Variants in LYZL6 observed in about 807,000 individuals in gnomAD.
LYZL6 encodes the protein lysozyme-like protein 6.
Under a neutral mutation model 15.0 loss-of-function variants are expected in LYZL6, and 21 were observed. The observed-to-expected ratio is 1.40, with a 90% CI of 1.00 to 2.02. The LOEUF (loss-of-function observed/expected upper bound fraction) is 2.02, where lower values mean the gene tolerates loss of function less well. LYZL6 is among the 30% of genes most tolerant of loss of function. The pLI, the probability that LYZL6 is intolerant of heterozygous loss-of-function variation, is 0.00. For missense variants in LYZL6, 173 were observed against 180.5 expected, an observed-to-expected ratio of 0.96 and a Z score of 0.24; for synonymous variants, 72 against 67.8, an observed-to-expected ratio of 1.06 and a Z score of -0.31.
rs766673424 is a variant in LYZL6, at chr17:35,939,286, C to A, written c.71G>T (p.Arg24Leu). Residue 24 changes from arginine to leucine, a missense_variant, in exon 2 of 5, where the codon CGC (arginine) becomes CTC (leucine). By Grantham distance (102) the Arg-to-Leu change is moderately radical. Coordinates refer to ENST00000615905, the MANE Select transcript of LYZL6 (RefSeq NM_020426.4). ...CTGCAGCACCTGGGCCAAGTCACAG[C>A]GACTGATGAGGCTGGCCTGATTTAG... ...LALNQASLIS[R>L]CDLAQVLQLE... 6.2e-7 allele frequency: 1 copy of A among 1,614,122 alleles called. No individual in the cohort carries two copies. The highest frequency in any genetic ancestry group is 1.1e-5 in the South Asian group (1 of 91,078).
At chr17:35,936,942 T>A in intron 3 of LYZL6, 109 bp from the exon 4 acceptor site, 2 of 917,820 alleles carry the variant, frequency 2.2e-6, no homozygotes, top group East Asian at 2.4e-5. Flanking sequence ...GGCTTCCAGT[T>A]GAGGCAAAGG....
At chr17:35,939,126 G>T in intron 2 of LYZL6, 92 bp downstream of exon 2, 1 of 1,457,144 alleles carries the variant, frequency 6.9e-7, no homozygotes, top group Non-Finnish European at 9.3e-7. Context: ...TTTGAACTTG[G>T]CTTTGAAAGA....
chr17:35,939,279 G>A lies in LYZL6; in HGVS notation c.78C>T (p.Asp26=), dbSNP rs1568422556. 1.9e-6 allele frequency: 3 copies of A among 1,614,204 alleles called. No individual in the cohort carries two copies. Among genetic ancestry groups the A allele is most frequent in the Non-Finnish European group, 2.5e-6 (3 of 1,180,018 alleles). Residue 26 remains aspartate, a synonymous_variant, in exon 2 of 5, where the codon GAC becomes GAT. Coordinates refer to ENST00000615905, the MANE Select transcript of LYZL6 (RefSeq NM_020426.4). ...LNQASLISRC[D]LAQVLQLEDL... ...CCTCCAGCTGCAGCACCTGGGCCAAGTCACAGCGACTGATGAGGCTGGCCT... is the reference window on the plus strand; with the variant it reads ...CCTCCAGCTGCAGCACCTGGGCCAAATCACAGCGACTGATGAGGCTGGCCT...
At position 35,937,828 on chromosome 17, in the gene LYZL6, C is replaced by G. The variant is rs146693110; in HGVS notation, c.228G>C (p.Gln76His). ...ADGSFDYGLF[Q>H]INSHYWCNDY... Reference sequence around the variant, plus strand: ...CGTTGCACCAGTAGTGGCTGTTGATCTGGAAGAGGCCATAGTCAAAGCTTC... The same window carrying G: ...CGTTGCACCAGTAGTGGCTGTTGATGTGGAAGAGGCCATAGTCAAAGCTTC... The change falls in exon 3 of 5, where the codon CAG (glutamine) becomes CAC (histidine). Residue 76 changes from glutamine to histidine, a missense_variant. Coordinates refer to ENST00000615905, the MANE Select transcript of LYZL6 (RefSeq NM_020426.4). 402 of 1,613,998 alleles carry G rather than the reference C, an allele frequency of 2.5e-4. No homozygotes were observed. Among genetic ancestry groups the G allele is most frequent in the Non-Finnish European group, 5.0e-5 (59 of 1,180,032 alleles).
At position 35,937,920 on chromosome 17, in the gene LYZL6, A is replaced by G. The variant is rs1201129558; in HGVS notation, c.140-4T>C. On this transcript the variant is annotated splice_region_variant and splice_polypyrimidine_tract_variant and intron_variant, in intron 2 of 4. Transcript: ENST00000615905. ...TCCACAAAAGCCAGGCACAGCCCTT[A>G]GAGTAGGGAGAAGAAGGTCAGGATT... is the stretch of plus-strand genomic sequence containing the variant. 6.2e-7 allele frequency: 1 copy of G among 1,612,916 alleles called. No individual in the cohort carries two copies. Among genetic ancestry groups the G allele is most frequent in the Non-Finnish European group, 8.5e-7 (1 of 1,179,852 alleles).
intron 2 of LYZL6, 116 bp downstream of exon 2, chr17:35,939,102 G>T: frequency 7.8e-7 from 1 of 1,276,204 alleles, no homozygotes; most frequent in Non-Finnish European, 1.1e-6. Flanking sequence ...AGGCTTTTTT[G>T]AAGGGGGCTG....
At chr17:35,940,050 T>G (rs2089413253) in intron 1 of LYZL6, among the ~76,000 whole-genome samples, 2 of 152,184 alleles carry the variant, frequency 1.3e-5, no homozygotes, top group Admixed American at 1.3e-4. Flanking sequence ...GGTACAATTC[T>G]TGGTGGGCTG....
intron 1 of LYZL6, among the ~76,000 whole-genome samples, chr17:35,941,259 C>A (rs2089422667): frequency 6.6e-6 from 1 of 152,190 alleles, no homozygotes; most frequent in Admixed American, 6.5e-5. Context: ...GGATGTTGAT[C>A]ATCTTTTTAT....
intron 4 of LYZL6, 85 bp from the exon 5 acceptor site, chr17:35,934,950 T>C (rs1025563835): frequency 1.6e-6 from 2 of 1,281,726 alleles, no homozygotes; most frequent in Non-Finnish European, 2.3e-6. Flanking sequence ...GTCTCGCATA[T>C]GGAGCAACGC....
At chr17:35,940,074 C>A (rs570026159) in intron 1 of LYZL6, among the ~76,000 whole-genome samples, 7 of 152,192 alleles carry the variant, frequency 4.6e-5, no homozygotes, top group African/African-American at 1.4e-4. Flanking sequence ...GTAGACGTAA[C>A]CTTCACTTTC....
chr17:35,936,778 GGACACA>G lies in LYZL6; in HGVS notation c.348_353del (p.Val117_Ser118del). The G allele has an allele frequency of 6.2e-7, 1 of 1,613,738 alleles. No homozygotes were observed. The highest frequency in any genetic ancestry group is 8.5e-7 in the Non-Finnish European group (1 of 1,180,018). On this transcript the variant is annotated inframe_deletion, in exon 4 of 5. Coordinates refer to ENST00000615905, the MANE Select transcript of LYZL6 (RefSeq NM_020426.4). ...ACCAGTTGTTCATCCCCCGTGCTCC[GGACACA>G]ATCCTTTTTGCGCAGTGGATGCCTG... is the stretch of plus-strand genomic sequence containing the variant.
Position 35,934,881 on chromosome 17 carries a change from A to G in LYZL6, c.378-16T>C. 2 of 1,613,840 alleles carry G rather than the reference A, an allele frequency of 1.2e-6. No individual in the cohort carries two copies. Among genetic ancestry groups the G allele is most frequent in the Non-Finnish European group, 1.7e-6 (2 of 1,179,784 alleles). On this transcript the variant is annotated splice_polypyrimidine_tract_variant and intron_variant, in intron 4 of 4. Transcript: ENST00000615905. Reference sequence around the variant, plus strand: ...CCATTCTACCCTGCGGAGAAAAAAGACATGGTTCTTGCCTCACACTCAGTA... The same window carrying G: ...CCATTCTACCCTGCGGAGAAAAAAGGCATGGTTCTTGCCTCACACTCAGTA...
At chr17:35,935,540 C>T (rs2089364292) in intron 4 of LYZL6, among the ~76,000 whole-genome samples, 1 of 147,802 alleles carries the variant, frequency 6.8e-6, no homozygotes, top group African/African-American at 2.5e-5. Flanking sequence ...CTCAGCCTCC[C>T]ATGCAGCTTG....
chr17:35,934,829 G>A lies in LYZL6; in HGVS notation c.414C>T (p.Leu138=), dbSNP rs1442837590. 15 of 1,614,174 alleles carry A rather than the reference G, an allele frequency of 9.3e-6. No homozygotes were observed. Among genetic ancestry groups the A allele is most frequent in the Non-Finnish European group, 1.3e-5 (15 of 1,180,014 alleles). Residue 138 remains leucine, a synonymous_variant, in exon 5 of 5, where the codon CTC becomes CTT. Transcript: ENST00000615905. The part of the protein sequence containing the change: ...EWRLHCSGRP[L]FYWLTGCRLR ...GGCGGCATCCTGTCAGCCAGTAGAA[G>A]AGTGGCCGGCCTGAACAGTGCAACC...
chr17:35,939,320 A>G lies in LYZL6; in HGVS notation c.37T>C (p.Phe13Leu). 1 of 1,614,162 alleles carries G rather than the reference A, an allele frequency of 6.2e-7. No individual in the cohort carries two copies. Reference protein sequence around the residue: ...KALLIYLVSSFLALNQASLIS... With the variant: ...KALLIYLVSSLLALNQASLIS... ...AGGCTGGCCTGATTTAGGGCAAGAA[A>G]GCTGCTGACCAAATAGATGAGTAGC... Residue 13 changes from phenylalanine (F) to leucine (L), a missense_variant, in exon 2 of 5, where the codon TTT (phenylalanine) becomes CTT (leucine). Physicochemically the swap from Phe to Leu is conservative, Grantham distance 22 (BLOSUM62 0). Transcript: ENST00000615905.
intron 2 of LYZL6, 116 bp downstream of exon 2, chr17:35,939,102 G>A (rs1260912106): frequency 4.7e-6 from 6 of 1,276,084 alleles, no homozygotes; most frequent in Non-Finnish European, 6.5e-6. Context: ...AGGCTTTTTT[G>A]AAGGGGGCTG....
chr17:35,937,170 C>T lies in LYZL6; in HGVS notation c.299-337G>A, dbSNP rs373038344. ...ACAGAGGTATGTCCCGCCTAGTGAGCGGGGGTCTTCAGGCGAGGAGCCGAG... is the reference window on the plus strand; with the variant it reads ...ACAGAGGTATGTCCCGCCTAGTGAGTGGGGGTCTTCAGGCGAGGAGCCGAG... On this transcript the variant is annotated intron_variant, in intron 3 of 4. Transcript: ENST00000615905. Among the ~76,000 whole-genome samples the T allele has an allele frequency of 5.3e-5, 8 of 152,244 alleles. No homozygotes were observed. In the East Asian group the frequency reaches 5.8e-4, roughly 11 times the overall value.
chr17:35,935,875 G>A (rs565131199), intron 4 of LYZL6, among the ~76,000 whole-genome samples: 71 of 150,426 alleles, frequency 4.7e-4, no homozygotes, highest in African/African-American at 1.5e-3. Flanking sequence ...GTGCAGTGGC[G>A]CGATCTCGGC....
intron 4 of LYZL6, among the ~76,000 whole-genome samples, chr17:35,936,358 T>C (rs901375029): frequency 6.6e-6 from 1 of 152,174 alleles, no homozygotes; most frequent in Admixed American, 6.5e-5. Context: ...CTTTAGACTG[T>C]GGAGCAGAGA....
Sources: gnomAD v4.1 joint callset for allele counts (sites outside exome capture counted in the v4.1 genomes callset) on GRCh38, gnomAD v4.1.1 for gene constraint, MANE v1.5 for transcripts, NCBI Gene and HGNC (gene_info 2026-07-23, HGNC 2026-07-21) for gene names.